HIVEP1: variants seen among roughly 807,000 people sequenced by gnomAD.
HIVEP1 encodes zinc finger protein 40.
Under a neutral mutation model 180.0 loss-of-function variants are expected in HIVEP1, and 36 were observed. The ratio of observed to expected loss-of-function variants is 0.20; its 90% CI spans 0.15 to 0.26. The LOEUF (loss-of-function observed/expected upper bound fraction) is 0.26. HIVEP1 is among the 10% of genes least tolerant of loss of function. The probability of loss-of-function intolerance (pLI) is 1.00; values close to 1 mark genes in which losing one functional copy is unlikely to be tolerated. For synonymous variants in HIVEP1, 1,239 were observed against 1,239.0 expected (o/e 1.00, Z 0.00); for missense variants, 3,143 against 3,268.7 (o/e 0.96, Z 0.94).
At chr6:12,189,225 T>C in the HIVEP1 span, among the ~76,000 whole-genome samples, 2 of 151,906 alleles carry the variant, frequency 1.3e-5, no homozygotes, top group South Asian at 4.1e-4. Context: ...TAATAAATCA[T>C]GAAAATACCA....
intron 2 of HIVEP1, among the ~76,000 whole-genome samples, chr6:12,057,414 G>GA (rs1361434164): frequency 2.0e-5 from 3 of 152,274 alleles, no homozygotes; most frequent in East Asian, 3.9e-4. Flanking sequence ...TAGATACTTA[G>GA]AAAAAATGCA....
rs748030886 is a variant in HIVEP1 at position 12,043,351 on chromosome 6, GA to G, written c.40+27687del. On this transcript the variant is annotated intron_variant, in intron 2 of 8. Transcript: ENST00000379388. Reference sequence around the variant, plus strand: ...TTTCTCCTATTCCCACTTTCTAAGTGAAAATTTTTTTTTTTTTTTTTTTTTT... The same window carrying G: ...TTTCTCCTATTCCCACTTTCTAAGTGAAATTTTTTTTTTTTTTTTTTTTTT... 7.3e-3 allele frequency among the ~76,000 whole-genome samples: 1,043 copies of G among 142,772 alleles called. 41 individuals carry two copies. Among genetic ancestry groups the G allele is most frequent in the South Asian group, 0.013 (61 of 4,592 alleles). The allele number at this position is 142,772 out of a possible 152,430, so 93.7% of individuals were successfully genotyped here.
At chr6:12,174,086 CAGA>C in the HIVEP1 span, among the ~76,000 whole-genome samples, 1 of 152,120 alleles carries the variant, frequency 6.6e-6, no homozygotes, top group African/African-American at 2.4e-5. Flanking sequence ...TTTTATTTGC[CAGA>C]AGTAGTTTAC....
chr6:12,104,435 T>C (rs1180901675), intron 3 of HIVEP1, among the ~76,000 whole-genome samples: 1 of 135,862 alleles, frequency 7.4e-6, no homozygotes, highest in South Asian at 2.5e-4. Flanking sequence ...CTTTTTTTTT[T>C]TTTTTTTTTT....
At chr6:12,015,384 AAGTT>A (rs1319693224) in intron 1 of HIVEP1, 138 bp from the exon 2 acceptor site, 1 of 391,650 alleles carries the variant, frequency 2.6e-6, no homozygotes, top group East Asian at 4.0e-5. Context: ...GTTTAATTAA[AAGTT>A]AGTAATCTTT....
At chr6:12,165,000 C>A (rs548122964), downstream of HIVEP1, 5 of 380,084 alleles carry the variant, frequency 1.3e-5, no homozygotes, top group South Asian at 1.1e-4. Context: ...ACTGACTTTA[C>A]CATTGCTTCA....
chr6:12,079,115 A>G (rs1415602211), intron 2 of HIVEP1, among the ~76,000 whole-genome samples: 1 of 152,150 alleles, frequency 6.6e-6, no homozygotes, highest in Non-Finnish European at 1.5e-5. Flanking sequence ...TGGGAAGAGG[A>G]AACCAATGTT....
intron 2 of HIVEP1, among the ~76,000 whole-genome samples, chr6:12,069,185 A>G (rs557303542): frequency 3.9e-5 from 6 of 152,378 alleles, no homozygotes; most frequent in East Asian, 3.9e-4. Context: ...GGTATAGCCT[A>G]TCGCTCCTAG....
upstream of HIVEP1, among the ~76,000 whole-genome samples, chr6:12,009,356 C>G (rs947097552): frequency 6.6e-6 from 1 of 152,124 alleles, no homozygotes; most frequent in African/African-American, 2.4e-5. Context: ...GTGTGTTGAG[C>G]TTTTCAGTGA....
In HIVEP1 at chr6:12,015,599, G is replaced by A. The variant is rs1767688491; in HGVS notation, c.-30G>A. 2 of 1,604,774 alleles carry A rather than the reference G, an allele frequency of 1.2e-6. No homozygotes were observed. Among genetic ancestry groups the A allele is most frequent in the Non-Finnish European group, 1.7e-6 (2 of 1,174,458 alleles). On this transcript the variant is annotated 5_prime_UTR_variant, in exon 2 of 9. Transcript: ENST00000379388. ...GGCTTGCTTTATCTGCAGTTTTTAA[G>A]AAGAAAAAGAAGGCCCTGAGTCAAA...
At chr6:12,016,015 A>C (rs1321067092) in intron 2 of HIVEP1, among the ~76,000 whole-genome samples, 1 of 122,424 alleles carries the variant, frequency 8.2e-6, no homozygotes, top group African/African-American at 2.5e-5. Context: ...GATCATTAAG[A>C]ATTTTATGTT....
intron 6 of HIVEP1, among the ~76,000 whole-genome samples, chr6:12,134,168 G>C (rs1300523961): frequency 2.0e-5 from 3 of 152,116 alleles, no homozygotes; most frequent in Non-Finnish European, 2.9e-5. Flanking sequence ...TCTGTATAAT[G>C]AACACCATTG....
intron 2 of HIVEP1, among the ~76,000 whole-genome samples, chr6:12,022,967 A>G (rs183254388): frequency 6.6e-5 from 10 of 152,302 alleles, no homozygotes; most frequent in African/African-American, 2.2e-4. Flanking sequence ...ACAGTGTTAG[A>G]TGAGGTTAAA....
At chr6:12,133,277 A>G (rs1397148101) in intron 6 of HIVEP1, among the ~76,000 whole-genome samples, 2 of 152,242 alleles carry the variant, frequency 1.3e-5, no homozygotes, top group East Asian at 1.9e-4. Flanking sequence ...AGCAGAAAAC[A>G]TATAGAGAGC....
At chr6:12,024,263 T>G (rs1233521171) in intron 2 of HIVEP1, among the ~76,000 whole-genome samples, 1 of 152,010 alleles carries the variant, frequency 6.6e-6, no homozygotes, top group Non-Finnish European at 1.5e-5. Flanking sequence ...TTTTTTTTTT[T>G]TTTTTACAAT....
intron 7 of HIVEP1, among the ~76,000 whole-genome samples, chr6:12,142,538 C>T (rs1272553777): frequency 6.6e-6 from 1 of 151,928 alleles, no homozygotes; most frequent in African/African-American, 2.4e-5. Flanking sequence ...AAGATCAGAG[C>T]AGAACTGAAG....
intron 3 of HIVEP1, 89 bp downstream of exon 3, chr6:12,089,326 A>G (rs927387641): frequency 2.9e-6 from 2 of 699,388 alleles, no homozygotes; most frequent in Admixed American, 5.3e-5. Context: ...GAAATAAATC[A>G]GTATAGACAT....
Position 12,120,670 on chromosome 6 carries a change from C to T in HIVEP1, c.875C>T (p.Pro292Leu). 6.2e-7 allele frequency: 1 copy of T among 1,614,142 alleles called. No individual in the cohort carries two copies. The part of the protein sequence containing the change: ...HLYHQHEHFV[P>L]KSNQHNQQLP... The stretch of plus-strand genomic sequence containing the variant: ...TATCATCAACATGAACACTTTGTTC[C>T]CAAATCCAACCAACATAATCAACAG... Residue 292 changes from proline to leucine, a missense_variant, in exon 4 of 9, where the codon CCC becomes CTC. By Grantham distance (98) the Pro-to-Leu change is moderately conservative. This residue lies in a region of HIVEP1 where 306 missense variants were observed against 310.6 expected (regional missense o/e 0.99). Transcript: ENST00000379388.
At chr6:12,128,471 C>T (rs1459411128) in intron 4 of HIVEP1, among the ~76,000 whole-genome samples, 1 of 152,148 alleles carries the variant, frequency 6.6e-6, no homozygotes. Flanking sequence ...AATGTAATTT[C>T]TTAAAGGAGG....
Sources: gnomAD v4.1 joint callset for allele counts (sites outside exome capture counted in the v4.1 genomes callset) on GRCh38, gnomAD v4.1.1 for gene constraint, gnomAD v4.1.1 regional missense constraint, MANE v1.5 for transcripts, NCBI Gene and HGNC (gene_info 2026-07-23, HGNC 2026-07-21) for gene names.